The following NXPH1 variants were observed in gnomAD, a reference collection of about 807,000 sequenced individuals.
NXPH1 encodes neurexophilin-1.
Under a neutral mutation model 23.7 loss-of-function variants are expected in NXPH1, and 5 were observed. The observed-to-expected ratio is 0.21, with a 90% CI of 0.11 to 0.44. NXPH1 has a LOEUF of 0.44. Ranked by LOEUF, NXPH1 falls within the 20% of genes least tolerant of loss-of-function variation. NXPH1 has a pLI of 0.99. For missense variants in NXPH1, 324 were observed against 321.6 expected, an observed-to-expected ratio of 1.01 and a Z score of -0.06; for synonymous variants, 144 against 122.2, an observed-to-expected ratio of 1.18 and a Z score of -1.18.
intron 2 of NXPH1, among the ~76,000 whole-genome samples, chr7:8,748,345 A>T (rs1198642258): frequency 1.3e-5 from 2 of 152,178 alleles, no homozygotes; most frequent in African/African-American, 4.8e-5. Flanking sequence ...AAAGGGAAGT[A>T]CTTACAACTA....
intron 2 of NXPH1, among the ~76,000 whole-genome samples, chr7:8,749,469 T>C (rs1338454036): frequency 6.6e-6 from 1 of 152,166 alleles, no homozygotes; most frequent in Non-Finnish European, 1.5e-5. Context: ...AAAATGCTAT[T>C]TTCAGGTCAC....
At chr7:8,510,569 G>T (rs1817595001) in intron 2 of NXPH1, among the ~76,000 whole-genome samples, 1 of 152,016 alleles carries the variant, frequency 6.6e-6, no homozygotes, top group Non-Finnish European at 1.5e-5. Flanking sequence ...TTTAAAGTTT[G>T]GTGACTGAAG....
intron 2 of NXPH1, among the ~76,000 whole-genome samples, chr7:8,715,907 G>A (rs1040233419): frequency 3.3e-5 from 5 of 151,984 alleles, no homozygotes; most frequent in African/African-American, 9.7e-5. Flanking sequence ...CATTATATGT[G>A]TGTGTTTGTG....
At position 8,534,018 on chromosome 7, in the gene NXPH1, C is replaced by T. The variant is rs149135013; in HGVS notation, c.54+98251C>T. On this transcript the variant is annotated intron_variant, in intron 2 of 2. Coordinates refer to ENST00000405863, the MANE Select transcript of NXPH1 (RefSeq NM_152745.3). The stretch of plus-strand genomic sequence containing the variant: ...ATTTTTAATTTTGACCAAATGTTAA[C>T]AACATATTGTGCTTCCATGATGCCA... Among the ~76,000 whole-genome samples the T allele has an allele frequency of 1.7e-3, 264 of 152,162 alleles. 1 individual carries two copies. The highest frequency in any genetic ancestry group is 4.1e-3 in the Admixed American group (63 of 15,272).
intron 2 of NXPH1, among the ~76,000 whole-genome samples, chr7:8,622,175 T>C (rs1819889748): frequency 6.6e-6 from 1 of 152,232 alleles, no homozygotes; most frequent in Non-Finnish European, 1.5e-5. Flanking sequence ...GAGTGAAATC[T>C]CATAAATTAG....
rs1375530028 is a variant in NXPH1 at position 8,434,047 on chromosome 7, C to T, written c.-819C>T. On this transcript the variant is annotated 5_prime_UTR_variant, in exon 1 of 3. Transcript: ENST00000405863. The surrounding 1 kb of genome is among the most constrained non-coding windows in gnomAD (Gnocchi z 7.6). ...GCGGCCGCCGGAAACCCAAAGCGCTCCAGAGCGTCCCCGGGTGGCCGGGCA... is the reference window on the plus strand; with the variant it reads ...GCGGCCGCCGGAAACCCAAAGCGCTTCAGAGCGTCCCCGGGTGGCCGGGCA... The T allele has an allele frequency of 6.6e-6, 1 of 152,260 alleles. No individual in the cohort carries two copies. The highest frequency in any genetic ancestry group is 1.9e-4 in the East Asian group (1 of 5,168). The allele number at this position is 152,260 out of a possible 1,614,324, so 9.4% of individuals were successfully genotyped here. A position where few individuals can be genotyped will look rare whatever the true frequency, so the allele number is the denominator to read the frequency against.
chr7:8,592,889 G>A (rs1244630586), intron 2 of NXPH1, among the ~76,000 whole-genome samples: 1 of 150,244 alleles, frequency 6.7e-6, no homozygotes, highest in African/African-American at 2.5e-5. Context: ...TAGCTCACAG[G>A]TCATACAAAA....
chr7:8,628,035 A>G (rs1294758237), intron 2 of NXPH1, among the ~76,000 whole-genome samples: 5 of 152,194 alleles, frequency 3.3e-5, no homozygotes, highest in African/African-American at 9.6e-5. Context: ...AATAATTGCC[A>G]AAGTCAAAAT....
intron 2 of NXPH1, among the ~76,000 whole-genome samples, chr7:8,473,306 C>G (rs1816904968): frequency 6.6e-6 from 1 of 152,100 alleles, no homozygotes; most frequent in African/African-American, 2.4e-5. Flanking sequence ...TTAGTTGTTT[C>G]AATGCATTAC....
At chr7:8,540,646 G>T (rs1278488129) in intron 2 of NXPH1, among the ~76,000 whole-genome samples, 1 of 151,708 alleles carries the variant, frequency 6.6e-6, no homozygotes, top group Non-Finnish European at 1.5e-5. Context: ...AATTTCCAAG[G>T]TCTGCAGAGA....
intron 2 of NXPH1, among the ~76,000 whole-genome samples, chr7:8,504,353 T>C (rs1817487421): frequency 6.6e-6 from 1 of 152,088 alleles, no homozygotes; most frequent in Non-Finnish European, 1.5e-5. Flanking sequence ...TGTTTATATA[T>C]AATTGTATTT....
intron 2 of NXPH1, among the ~76,000 whole-genome samples, chr7:8,653,676 C>A (rs1820525132): frequency 1.3e-5 from 2 of 152,102 alleles, no homozygotes; most frequent in Non-Finnish European, 2.9e-5. Context: ...CCTCTAAATC[C>A]TGGGGAATAT....
chr7:8,522,675 A>G lies in NXPH1; in HGVS notation c.54+86908A>G, dbSNP rs80330468. On this transcript the variant is annotated intron_variant, in intron 2 of 2. Transcript: ENST00000405863. Reference sequence around the variant, plus strand: ...ATTTCCTCCTGCATTTCAGAAAACTAATTTTCCTATTTAAAGGCTGAATTG... The same window carrying G: ...ATTTCCTCCTGCATTTCAGAAAACTGATTTTCCTATTTAAAGGCTGAATTG... Among the ~76,000 whole-genome samples, 444 of 152,286 alleles carry G rather than the reference A, an allele frequency of 2.9e-3. 1 individual carries two copies. Among genetic ancestry groups the G allele is most frequent in the South Asian group, 1.0e-2 (48 of 4,824 alleles).
chr7:8,519,380 A>G (rs1438806887), intron 2 of NXPH1, among the ~76,000 whole-genome samples: 9 of 152,190 alleles, frequency 5.9e-5, no homozygotes, highest in Non-Finnish European at 5.9e-5. Flanking sequence ...ACTTGTTTAA[A>G]TTCAGGATAG....
At chr7:8,636,610 C>T (rs1453589540) in intron 2 of NXPH1, among the ~76,000 whole-genome samples, 3 of 152,156 alleles carry the variant, frequency 2.0e-5, no homozygotes, top group Non-Finnish European at 4.4e-5. Context: ...TATGGCATCC[C>T]ATGCAAGCTA....
chr7:8,500,493 C>T (rs147953440), intron 2 of NXPH1, among the ~76,000 whole-genome samples: 62 of 152,110 alleles, frequency 4.1e-4, no homozygotes, highest in Non-Finnish European at 8.1e-4. Context: ...ATGGCATCTG[C>T]CTTATTTGGC....
chr7:8,665,228 A>G (rs1416106217), intron 2 of NXPH1, among the ~76,000 whole-genome samples: 1 of 151,986 alleles, frequency 6.6e-6, no homozygotes, highest in Non-Finnish European at 1.5e-5. Flanking sequence ...TAATTTCCTA[A>G]TTCTACATCT....
intron 2 of NXPH1, among the ~76,000 whole-genome samples, chr7:8,491,716 A>C (rs1359649300): frequency 6.6e-6 from 1 of 152,038 alleles, no homozygotes; most frequent in Non-Finnish European, 1.5e-5. Flanking sequence ...ATGAACAGGG[A>C]TTCTCACAGT....
chr7:8,686,204 T>C (rs189292441), intron 2 of NXPH1, among the ~76,000 whole-genome samples: 6 of 152,316 alleles, frequency 3.9e-5, no homozygotes, highest in Non-Finnish European at 5.9e-5. Flanking sequence ...ACATGCCTGA[T>C]ATTTTATACC....
Sources: allele counts gnomAD v4.1 joint callset (sites outside exome capture counted in the v4.1 genomes callset), GRCh38; gene constraint gnomAD v4.1.1; non-coding constraint Gnocchi (gnomAD v3.1); transcripts MANE v1.5; gene names NCBI Gene and HGNC (gene_info 2026-07-23, HGNC 2026-07-21).